Variants in ABCB1 observed in about 807,000 individuals in gnomAD.
The protein encoded by ABCB1 is ATP binding cassette subfamily B member 1.
ABCB1 carries 69 observed loss-of-function variants against 142.0 expected under a neutral mutation model. The ratio of observed to expected loss-of-function variants is 0.49; its 90% CI spans 0.40 to 0.59. The LOEUF (loss-of-function observed/expected upper bound fraction) is 0.59. Ranked by LOEUF, ABCB1 falls within the 20% of genes least tolerant of loss-of-function variation. ABCB1 has a pLI of 0.00. For missense variants in ABCB1, 1,326 were observed against 1,554.7 expected, an observed-to-expected ratio of 0.85 and a Z score of 2.47; for synonymous variants, 532 against 539.2, an observed-to-expected ratio of 0.99 and a Z score of 0.18.
At chr7:87,643,430 G>A (rs537923835) in intron 1 of ABCB1, among the ~76,000 whole-genome samples, 1 of 151,990 alleles carries the variant, frequency 6.6e-6, no homozygotes, top group East Asian at 1.9e-4. Context: ...ATATGTGAAA[G>A]GTATTTTTTC....
At chr7:87,705,647 A>C (rs1829517554) in intron 1 of ABCB1, among the ~76,000 whole-genome samples, 1 of 152,182 alleles carries the variant, frequency 6.6e-6, no homozygotes, top group East Asian at 1.9e-4. Context: ...GACTTTTATT[A>C]CATAAATTAC....
In ABCB1 at chr7:87,626,077, CATATAT is replaced by C. The variant is rs372003612; in HGVS notation, c.-330-25005_-330-25000del. ...TCTCATTCTGTCGCCCAGGCTGAGA[CATATAT>C]ATATATATATATATATTGTCATATA... On this transcript the variant is annotated intron_variant, in intron 1 of 28. Coordinates refer to the ABCB1 transcript ENST00000265724. 7.6e-4 allele frequency among the ~76,000 whole-genome samples: 64 copies of C among 84,300 alleles called. 5 individuals are homozygous for C. The highest frequency in any genetic ancestry group is 0.014 in the Middle Eastern group (2 of 142). 55.3% of individuals were successfully genotyped at this position (84,300 alleles called of 152,430 possible).
In ABCB1 at chr7:87,593,278, C is replaced by A. The variant is rs556305173; in HGVS notation, c.117+2488G>T. ...ATTTTGTGTAGAAATTACAGCCCAG[C>A]TCTATGTGTCACATTTCCTCACTTG... On this transcript the variant is annotated intron_variant, in intron 3 of 27. Coordinates refer to ENST00000622132, the MANE Select transcript of ABCB1 (RefSeq NM_001348946.2). 3.3e-5 allele frequency among the ~76,000 whole-genome samples: 5 copies of A among 152,264 alleles called. No individual in the cohort carries two copies. In the South Asian group the frequency reaches 1.0e-3, roughly 32 times the overall value.
At chr7:87,524,542 C>G (rs1225143196) in intron 21 of ABCB1, among the ~76,000 whole-genome samples, 1 of 134,126 alleles carries the variant, frequency 7.5e-6, no homozygotes, top group Non-Finnish European at 1.7e-5. Flanking sequence ...AATGAGAACA[C>G]ATGGACACAG....
intron 21 of ABCB1, among the ~76,000 whole-genome samples, chr7:87,526,188 A>G (rs1371500946): frequency 7.1e-6 from 1 of 140,552 alleles, no homozygotes; most frequent in African/African-American, 2.7e-5. Context: ...CATATCTCCT[A>G]TTTCTTTTTG....
chr7:87,538,840 G>A (rs1286594019), intron 19 of ABCB1, among the ~76,000 whole-genome samples: 2 of 152,060 alleles, frequency 1.3e-5, no homozygotes, highest in African/African-American at 4.8e-5. Context: ...GGGCAGTGAA[G>A]AACAGGACAC....
chr7:87,590,740 G>A (rs1245224726), intron 3 of ABCB1, among the ~76,000 whole-genome samples: 1 of 152,170 alleles, frequency 6.6e-6, no homozygotes, highest in Non-Finnish European at 1.5e-5. Flanking sequence ...AGATATGTAG[G>A]GCATTTTGTG....
At chr7:87,657,979 A>G (rs1824285661) in intron 1 of ABCB1, among the ~76,000 whole-genome samples, 1 of 152,218 alleles carries the variant, frequency 6.6e-6, no homozygotes, top group African/African-American at 2.4e-5. Context: ...GTTTCATAAC[A>G]TAATATAAAT....
At chr7:87,535,033 A>G (rs117937072) in intron 20 of ABCB1, among the ~76,000 whole-genome samples, 4 of 151,702 alleles carry the variant, frequency 2.6e-5, no homozygotes, top group Non-Finnish European at 5.9e-5. Context: ...CAACCAACAC[A>G]TTGTTGGCTG....
In ABCB1 at chr7:87,504,122, G is replaced by T; in HGVS notation, c.*121C>A. 7.6e-7 allele frequency: 1 copy of T among 1,319,038 alleles called. No homozygotes were observed. The highest frequency in any genetic ancestry group is 1.3e-5 in the South Asian group (1 of 78,348). 81.7% of individuals were successfully genotyped at this position (1,319,038 alleles called of 1,614,324 possible). A position where few individuals can be genotyped will look rare whatever the true frequency, so the allele number is the denominator to read the frequency against. ...CGAAGTCTCTGAAGACTCTGAACTT[G>T]ACTGAGGAAATGTTAAACAGATACC... On this transcript the variant is annotated 3_prime_UTR_variant, in exon 28 of 28. Transcript: ENST00000622132.
At chr7:87,628,601 GT>G in intron 1 of ABCB1, 2 of 357,818 alleles carry the variant, frequency 5.6e-6, no homozygotes, top group Non-Finnish European at 1.0e-5. Context: ...GTGTGTGTGT[GT>G]GTGTGTGTGT....
chr7:87,701,154 C>A (rs974921810), intron 1 of ABCB1, among the ~76,000 whole-genome samples: 1 of 152,124 alleles, frequency 6.6e-6, no homozygotes, highest in African/African-American at 2.4e-5. Context: ...TTGTACAATT[C>A]TTTGAATTGT....
chr7:87,566,003 T>C (rs2129808125), intron 7 of ABCB1, 67 bp downstream of exon 7: 1 of 1,565,388 alleles, frequency 6.4e-7, no homozygotes, highest in East Asian at 2.2e-5. Context: ...AAAAAGACCT[T>C]TCCGTAGGGT....
At chr7:87,598,860 A>G (rs1207455444) in intron 2 of ABCB1, among the ~76,000 whole-genome samples, 1 of 151,994 alleles carries the variant, frequency 6.6e-6, no homozygotes, top group Non-Finnish European at 1.5e-5. Flanking sequence ...ACCACAAGAT[A>G]CTCCAGGCTC....
chr7:87,597,573 C>T (rs940514476), intron 2 of ABCB1, among the ~76,000 whole-genome samples: 1 of 152,004 alleles, frequency 6.6e-6, no homozygotes, highest in Non-Finnish European at 1.5e-5. Flanking sequence ...CACATACCCT[C>T]AATATTTCTT....
rs548789498 is a variant in ABCB1, at chr7:87,536,942, G to A, written c.2398-401C>T. ...AGGGGAAACAGAAGGCCTTTCTAAG[G>A]GGACATCTGAACAGAGGCCTGAATG... On this transcript the variant is annotated intron_variant, in intron 19 of 27. Transcript: ENST00000622132. 1.1e-4 allele frequency: 31 copies of A among 282,592 alleles called. No individual in the cohort carries two copies. The Middle Eastern group carries it at 3.7e-3, about 34-fold the overall frequency. The allele number at this position is 282,592 out of a possible 1,614,324, so 17.5% of individuals were successfully genotyped here.
chr7:87,633,479 C>T (rs1821429409), intron 1 of ABCB1, among the ~76,000 whole-genome samples: 1 of 152,092 alleles, frequency 6.6e-6, no homozygotes, highest in African/African-American at 2.4e-5. Flanking sequence ...CTAAGTGGCC[C>T]CAGAAGATTA....
chr7:87,629,818 C>G (rs1194732177), intron 1 of ABCB1, among the ~76,000 whole-genome samples: 1 of 150,432 alleles, frequency 6.6e-6, no homozygotes, highest in African/African-American at 2.5e-5. Flanking sequence ...CCCAGCTACT[C>G]GGGAGGGTGA....
chr7:87,608,552 C>G (rs962583950), intron 1 of ABCB1, among the ~76,000 whole-genome samples: 2 of 152,132 alleles, frequency 1.3e-5, no homozygotes, highest in Non-Finnish European at 2.9e-5. Flanking sequence ...AATTTATAAC[C>G]AAACCCTTTG....
Sources: allele counts gnomAD v4.1 joint callset (sites outside exome capture counted in the v4.1 genomes callset), GRCh38; gene constraint gnomAD v4.1.1; transcripts MANE v1.5; gene names NCBI Gene and HGNC (gene_info 2026-07-23, HGNC 2026-07-21).